Variants in WASHC2C observed in about 807,000 individuals in gnomAD.
WASHC2C encodes the protein WASH complex subunit 2C.
Under a neutral mutation model 142.2 loss-of-function variants are expected in WASHC2C, and 73 were observed. The ratio of observed to expected loss-of-function variants is 0.51; its 90% CI spans 0.43 to 0.62. WASHC2C has a LOEUF of 0.62. WASHC2C is among the 20% of genes least tolerant of loss of function. The pLI is 0.00. For synonymous variants in WASHC2C, 337 were observed against 565.5 expected, an observed-to-expected ratio of 0.60 and a Z score of 5.73; for missense variants, 969 against 1,531.7, an observed-to-expected ratio of 0.63 and a Z score of 6.13.
chr10:45,786,190 G>A (rs868973431), intron 26 of WASHC2C, among the ~76,000 whole-genome samples: 45 of 152,216 alleles, frequency 3.0e-4, no homozygotes, highest in South Asian at 8.3e-4. Flanking sequence ...GCACTTGGAC[G>A]AACACATCAC....
intron 3 of WASHC2C, among the ~76,000 whole-genome samples, chr10:45,736,395 G>C: frequency 1.1e-5 from 1 of 93,024 alleles, no homozygotes; most frequent in Non-Finnish European, 1.9e-5. Context: ...AACAGAGTGA[G>C]ACTCCATCTC....
chr10:45,768,759 T>C (rs1164805645), intron 19 of WASHC2C, among the ~76,000 whole-genome samples: 3 of 152,210 alleles, frequency 2.0e-5, no homozygotes, highest in African/African-American at 7.2e-5. Flanking sequence ...ATTTTTAAAA[T>C]TAAAATATTC....
intron 25 of WASHC2C, among the ~76,000 whole-genome samples, chr10:45,785,284 T>C (rs2305298): frequency 0.049 from 7,454 of 152,134 alleles, 166 homozygotes; most frequent in African/African-American, 0.087. Context: ...CCAGCCCCAG[T>C]AGGTTTTTGT....
intron 11 of WASHC2C, among the ~76,000 whole-genome samples, chr10:45,752,361 C>T (rs782717685): frequency 3.3e-5 from 5 of 152,264 alleles, no homozygotes; most frequent in Admixed American, 6.5e-5. Context: ...TGCTGTGTGC[C>T]ACAGACGTGG....
intron 3 of WASHC2C, among the ~76,000 whole-genome samples, chr10:45,733,044 G>C (rs1436576288): frequency 6.6e-6 from 1 of 152,048 alleles, no homozygotes; most frequent in Non-Finnish European, 1.5e-5. Flanking sequence ...CGGGGCCTTT[G>C]CTTACATTGC....
rs2057342360 is a variant in WASHC2C at position 45,779,593 on chromosome 10, C to T, written c.2478+458C>T. Among the ~76,000 whole-genome samples, 16 of 152,294 alleles carry T rather than the reference C, an allele frequency of 1.1e-4. No individual in the cohort carries two copies. The South Asian group carries it at 3.3e-3, about 32-fold the overall frequency. On this transcript the variant is annotated intron_variant, in intron 23 of 30. Coordinates refer to ENST00000623400, the MANE Select transcript of WASHC2C (RefSeq NM_001330074.2). The stretch of plus-strand genomic sequence containing the variant: ...CTTTTGCAGCCTATTTGGGCTCTGT[C>T]ATAACTGCCTAGCTCTGCCATTGGC...
At chr10:45,742,732 T>C (rs2052268683) in intron 5 of WASHC2C, among the ~76,000 whole-genome samples, 1 of 152,066 alleles carries the variant, frequency 6.6e-6, no homozygotes, top group African/African-American at 2.4e-5. Context: ...TCTTGGACCT[T>C]ATACTAGGAG....
intron 17 of WASHC2C, among the ~76,000 whole-genome samples, chr10:45,761,034 G>A (rs1261363019): frequency 6.6e-6 from 1 of 152,046 alleles, no homozygotes; most frequent in African/African-American, 2.4e-5. Flanking sequence ...TATGAAACAA[G>A]TAACTCAAAA....
At chr10:45,746,430 C>T (rs1233595363) in intron 7 of WASHC2C, among the ~76,000 whole-genome samples, 170 bp from the exon 8 acceptor site, 7 of 152,250 alleles carry the variant, frequency 4.6e-5, no homozygotes, top group Non-Finnish European at 8.8e-5. Context: ...CCCAGCTTAT[C>T]TGCACCTTGA....
chr10:45,727,336 C>G lies in WASHC2C; in HGVS notation c.3+16C>G, dbSNP rs768817452. 3 of 1,561,734 alleles carry G rather than the reference C, an allele frequency of 1.9e-6. No homozygotes were observed. Among genetic ancestry groups the G allele is most frequent in the South Asian group, 2.3e-5 (2 of 86,752 alleles). On this transcript the variant is annotated intron_variant, in intron 1 of 30. Transcript: ENST00000623400. Reference sequence around the variant, plus strand: ...GGCTGGGATGGTGAGGGCGGCGGGCCGGAGAGGGGCCGGCCTGGGCTGGGG... The same window carrying G: ...GGCTGGGATGGTGAGGGCGGCGGGCGGGAGAGGGGCCGGCCTGGGCTGGGG...
intron 17 of WASHC2C, among the ~76,000 whole-genome samples, chr10:45,762,462 C>T (rs1196585980): frequency 6.6e-6 from 1 of 152,010 alleles, no homozygotes; most frequent in Non-Finnish European, 1.5e-5. Context: ...TCCCAAAATG[C>T]TGGGATTATA....
At chr10:45,759,686 G>A (rs1554879324) in intron 17 of WASHC2C, among the ~76,000 whole-genome samples, 1 of 152,090 alleles carries the variant, frequency 6.6e-6, no homozygotes, top group Non-Finnish European at 1.5e-5. Context: ...GGGTATGGTG[G>A]TGCGAGCCTG....
intron 26 of WASHC2C, among the ~76,000 whole-genome samples, chr10:45,786,189 C>T (rs1296269227): frequency 3.3e-5 from 5 of 152,030 alleles, no homozygotes; most frequent in Non-Finnish European, 5.9e-5. Context: ...GGCACTTGGA[C>T]GAACACATCA....
intron 16 of WASHC2C, among the ~76,000 whole-genome samples, chr10:45,757,756 TC>T (rs1189408798): frequency 6.6e-6 from 1 of 152,204 alleles, no homozygotes; most frequent in Non-Finnish European, 1.5e-5. Context: ...GCAATCTAGA[TC>T]CCTCGCATGC....
chr10:45,744,648 GA>G (rs2052586216), intron 6 of WASHC2C, among the ~76,000 whole-genome samples, 172 bp from the exon 7 acceptor site: 2 of 151,410 alleles, frequency 1.3e-5, no homozygotes, highest in African/African-American at 2.4e-5. Context: ...GATACTTCAA[GA>G]CTACATAAAT....
At chr10:45,751,111 G>C (rs1231922444) in intron 10 of WASHC2C, among the ~76,000 whole-genome samples, 1 of 151,984 alleles carries the variant, frequency 6.6e-6, no homozygotes, top group Non-Finnish European at 1.5e-5. Flanking sequence ...AAACTCCAGA[G>C]AACCATGGGC....
intron 5 of WASHC2C, among the ~76,000 whole-genome samples, chr10:45,741,106 C>A (rs1467619385): frequency 2.0e-5 from 3 of 151,984 alleles, no homozygotes; most frequent in Non-Finnish European, 4.4e-5. Context: ...CACCACCACA[C>A]CCAGCTAATT....
chr10:45,767,111 A>G (rs1451573945), intron 19 of WASHC2C, among the ~76,000 whole-genome samples: 3 of 150,396 alleles, frequency 2.0e-5, no homozygotes, highest in African/African-American at 7.4e-5. Context: ...TATTAAAAAT[A>G]CAAAAAAATT....
At chr10:45,758,049 A>T (rs1414164128) in intron 16 of WASHC2C, among the ~76,000 whole-genome samples, 4 of 151,908 alleles carry the variant, frequency 2.6e-5, no homozygotes, top group Admixed American at 1.3e-4. Flanking sequence ...CTTAATCTAG[A>T]GCAACACCTC....
Sources: gnomAD v4.1 joint callset for allele counts (sites outside exome capture counted in the v4.1 genomes callset) on GRCh38, gnomAD v4.1.1 for gene constraint, MANE v1.5 for transcripts, NCBI Gene and HGNC (gene_info 2026-07-23, HGNC 2026-07-21) for gene names.